The following CSMD1 variants were observed in gnomAD, a reference collection of about 807,000 sequenced individuals.
CSMD1 encodes the protein CUB and sushi domain-containing protein 1.
In CSMD1, 213 loss-of-function variants were observed where a neutral mutation model predicts 417.5. That is an observed-to-expected ratio of 0.51 (90% confidence interval 0.46 to 0.57). The LOEUF is 0.57. Ranked by LOEUF, CSMD1 falls within the 20% of genes least tolerant of loss-of-function variation. The pLI, the probability that CSMD1 is intolerant of heterozygous loss-of-function variation, is 0.00. For missense variants in CSMD1, 6,923 were observed against 4,529.7 expected (o/e 1.53, Z -15.17); for synonymous variants, 2,862 against 1,736.8 (o/e 1.65, Z -16.11).
rs536475573 is a variant in CSMD1, at chr8:4,927,222, A to AT, written c.85+67109dup. 6.9e-3 allele frequency among the ~76,000 whole-genome samples: 1,039 copies of AT among 150,510 alleles called. 9 individuals carry two copies. Among genetic ancestry groups the AT allele is most frequent in the African/African-American group, 0.024 (988 of 41,040 alleles). ...CCCACGTTCAAGTGCTTTTTGGCTA[A>AT]TTTTTTTTTATTTTTAGTAGAGACA... is the stretch of plus-strand genomic sequence containing the variant. On this transcript the variant is annotated intron_variant, in intron 1 of 69. Transcript: ENST00000635120.
At chr8:4,181,081 C>T (rs868070829) in intron 3 of CSMD1, among the ~76,000 whole-genome samples, 1 of 152,146 alleles carries the variant, frequency 6.6e-6, no homozygotes, top group Non-Finnish European at 1.5e-5. Flanking sequence ...GGACAACAGA[C>T]CTATTGAACA....
chr8:3,066,495 A>G (rs761750269), intron 49 of CSMD1, among the ~76,000 whole-genome samples: 7 of 152,208 alleles, frequency 4.6e-5, no homozygotes, highest in Non-Finnish European at 1.0e-4. Flanking sequence ...AAATGAACTG[A>G]CGACATGTAT....
At chr8:4,269,321 C>T (rs1012667210) in intron 3 of CSMD1, among the ~76,000 whole-genome samples, 3 of 152,142 alleles carry the variant, frequency 2.0e-5, no homozygotes, top group Non-Finnish European at 4.4e-5. Flanking sequence ...GCACTGGCCT[C>T]CCCCAAAGTG....
At chr8:4,615,799 T>C (rs1209378117) in intron 2 of CSMD1, among the ~76,000 whole-genome samples, 1 of 152,180 alleles carries the variant, frequency 6.6e-6, no homozygotes, top group Non-Finnish European at 1.5e-5. Flanking sequence ...CACATGACTA[T>C]TTCCATCTTA....
intron 1 of CSMD1, among the ~76,000 whole-genome samples, chr8:4,738,687 T>C (rs1419460832): frequency 6.6e-6 from 1 of 152,184 alleles, no homozygotes; most frequent in Non-Finnish European, 1.5e-5. Flanking sequence ...AAAATCAGTA[T>C]ATTATATAAA....
intron 26 of CSMD1, among the ~76,000 whole-genome samples, chr8:3,264,619 C>T (rs1278600613): frequency 6.6e-6 from 1 of 152,138 alleles, no homozygotes; most frequent in East Asian, 1.9e-4. Flanking sequence ...ACGTATAAAT[C>T]GAACTGCTTT....
chr8:4,833,262 G>A (rs889575454), intron 1 of CSMD1, among the ~76,000 whole-genome samples: 4 of 152,150 alleles, frequency 2.6e-5, no homozygotes, highest in Admixed American at 6.5e-5. Context: ...AGCATGGCTG[G>A]GAGGCTTCAG....
At chr8:4,318,016 G>C (rs936229031) in intron 3 of CSMD1, among the ~76,000 whole-genome samples, 1 of 152,114 alleles carries the variant, frequency 6.6e-6, no homozygotes, top group South Asian at 2.1e-4. Context: ...TTAGAATCCA[G>C]GAGTAATTCT....
intron 3 of CSMD1, among the ~76,000 whole-genome samples, chr8:4,380,315 G>C (rs1188662188): frequency 6.6e-6 from 1 of 152,076 alleles, no homozygotes; most frequent in Non-Finnish European, 1.5e-5. Flanking sequence ...CACAGTGATA[G>C]CACACCCTCC....
chr8:4,257,774 C>A (rs556407540), intron 3 of CSMD1, among the ~76,000 whole-genome samples: 3 of 152,132 alleles, frequency 2.0e-5, no homozygotes, highest in Admixed American at 6.5e-5. Context: ...AAACAGCATC[C>A]GCCTCGTAGG....
At chr8:3,529,477 A>T (rs1306083265) in intron 10 of CSMD1, among the ~76,000 whole-genome samples, 1 of 152,206 alleles carries the variant, frequency 6.6e-6, no homozygotes, top group African/African-American at 2.4e-5. Flanking sequence ...TTAAAGGAAG[A>T]AATTGGGATT....
intron 10 of CSMD1, among the ~76,000 whole-genome samples, chr8:3,524,904 A>T (rs1460685837): frequency 6.6e-6 from 1 of 151,442 alleles, no homozygotes; most frequent in Non-Finnish European, 1.5e-5. Flanking sequence ...AGTTAAAAAT[A>T]GTAATAAACT....
rs375895685 is a variant in CSMD1, at chr8:4,357,936, C to T, written c.415+62017G>A. On this transcript the variant is annotated intron_variant, in intron 3 of 69. Transcript: ENST00000635120. Reference sequence around the variant, plus strand: ...AATAGAGAATATACTTAATTAAAAGCCCATTGCTAGTGGTGTAATGCCTGA... The same window carrying T: ...AATAGAGAATATACTTAATTAAAAGTCCATTGCTAGTGGTGTAATGCCTGA... Among the ~76,000 whole-genome samples the T allele has an allele frequency of 4.7e-4, 71 of 152,044 alleles. 3 individuals are homozygous for T. The South Asian group carries it at 0.014, about 30-fold the overall frequency.
chr8:3,859,177 G>A (rs903878404), intron 5 of CSMD1, among the ~76,000 whole-genome samples: 1 of 152,070 alleles, frequency 6.6e-6, no homozygotes, highest in African/African-American at 2.4e-5. Flanking sequence ...CACACAACAG[G>A]CTCTCTAAAT....
chr8:3,546,304 G>C (rs529549897), intron 10 of CSMD1, among the ~76,000 whole-genome samples: 2 of 152,106 alleles, frequency 1.3e-5, no homozygotes, highest in South Asian at 4.2e-4. Flanking sequence ...GGGAGGCCAA[G>C]GTGGGGGGAT....
intron 2 of CSMD1, among the ~76,000 whole-genome samples, chr8:4,486,204 CATATATATATATATATAT>C (rs1200901429): frequency 1.2e-4 from 2 of 16,910 alleles, no homozygotes; most frequent in Admixed American, 7.5e-4. Flanking sequence ...TATATACATA[CATATATATATATATATAT>C]ATACATACAT....
At chr8:3,326,503 A>C (rs1383635176) in intron 23 of CSMD1, among the ~76,000 whole-genome samples, 2 of 152,210 alleles carry the variant, frequency 1.3e-5, no homozygotes, top group Admixed American at 6.5e-5. Context: ...CCTCTCCTGA[A>C]TGTTGTCACG....
intron 5 of CSMD1, among the ~76,000 whole-genome samples, chr8:3,887,360 A>C (rs952258668): frequency 4.8e-4 from 73 of 152,096 alleles, no homozygotes; most frequent in Admixed American, 2.0e-4. Flanking sequence ...AGCAAGATAA[A>C]TCAACAGCTC....
intron 1 of CSMD1, among the ~76,000 whole-genome samples, chr8:4,712,114 A>G (rs898074227): frequency 2.0e-5 from 3 of 152,224 alleles, no homozygotes; most frequent in Admixed American, 1.3e-4. Flanking sequence ...AAGTCAATCA[A>G]TGGGACTGAC....
Sources: allele counts gnomAD v4.1 joint callset (sites outside exome capture counted in the v4.1 genomes callset), GRCh38; gene constraint gnomAD v4.1.1; transcripts MANE v1.5; gene names NCBI Gene and HGNC (gene_info 2026-07-23, HGNC 2026-07-21).